TENM3: variants seen among roughly 807,000 people sequenced by gnomAD.
TENM3 encodes teneurin-3.
A neutral mutation model predicts 255.1 loss-of-function variants in TENM3; 63 were observed. The observed-to-expected ratio is 0.25, with a 90% confidence interval of 0.20 to 0.30. The LOEUF is 0.30. Among genes scored for constraint, TENM3 ranks in the 10% least tolerant of loss-of-function variants. The probability of loss-of-function intolerance (pLI) is 1.00; values close to 1 mark genes in which losing one functional copy is unlikely to be tolerated. For synonymous variants in TENM3, 1,306 were observed against 1,322.3 expected (o/e 0.99, Z 0.27); for missense variants, 2,929 against 3,461.1 (o/e 0.85, Z 3.86).
Position 182,353,738 on chromosome 4 carries a change from C to T in TENM3, c.511+6809C>T, listed in dbSNP as rs537959853. Among the ~76,000 whole-genome samples, 8 of 152,212 alleles carry T rather than the reference C, an allele frequency of 5.3e-5. No individual in the cohort carries two copies. In the East Asian group the frequency reaches 7.7e-4, roughly 15 times the overall value. On this transcript the variant is annotated intron_variant, in intron 3 of 27. Transcript: ENST00000511685. ...ATCCCAGCACTTTGGGAGGCCAAGG[C>T]GGGTGGATCACAATGTCAGGAGTTT...
the TENM3 span, among the ~76,000 whole-genome samples, chr4:182,049,261 G>C: frequency 5.3e-5 from 8 of 152,160 alleles, no homozygotes; most frequent in Admixed American, 5.2e-4. Context: ...TTTATATAAA[G>C]TGCAATAGGC....
the TENM3 span, among the ~76,000 whole-genome samples, chr4:182,030,572 A>G: frequency 6.6e-6 from 1 of 152,102 alleles, no homozygotes; most frequent in Non-Finnish European, 1.5e-5. Flanking sequence ...TAATAGGATG[A>G]TTTATGTTTC....
the TENM3 span, among the ~76,000 whole-genome samples, chr4:181,858,430 G>T: frequency 6.6e-6 from 1 of 152,160 alleles, no homozygotes; most frequent in Non-Finnish European, 1.5e-5. Flanking sequence ...CAGATGCTGG[G>T]CTAATGCTTT....
chr4:181,588,102 T>C, the TENM3 span, among the ~76,000 whole-genome samples: 1 of 152,160 alleles, frequency 6.6e-6, no homozygotes, highest in Admixed American at 6.5e-5. Context: ...TAGAGGAGCA[T>C]GCCAGACATG....
chr4:181,848,872 G>A, the TENM3 span, among the ~76,000 whole-genome samples: 3 of 152,056 alleles, frequency 2.0e-5, no homozygotes, highest in Non-Finnish European at 2.9e-5. Context: ...TAATCCAGGA[G>A]CCCCAAACCT....
the TENM3 span, among the ~76,000 whole-genome samples, chr4:181,638,406 C>T: frequency 8.3e-4 from 126 of 152,266 alleles, no homozygotes; most frequent in Admixed American, 6.5e-3. Flanking sequence ...TTAATGCCCC[C>T]CTGTGTTTGG....
At chr4:181,794,271 T>TTG in the TENM3 span, among the ~76,000 whole-genome samples, 3 of 151,830 alleles carry the variant, frequency 2.0e-5, no homozygotes, top group Non-Finnish European at 4.4e-5. Context: ...ATCCTTGTGA[T>TTG]TGTGTGTGTG....
At position 182,235,312 on chromosome 4, in the gene TENM3, C is replaced by A. The variant is rs548883658; in HGVS notation, c.-75-88634C>A. On this transcript the variant is annotated intron_variant, in intron 1 of 2. Coordinates refer to the TENM3 transcript ENST00000512480. Reference sequence around the variant, plus strand: ...TAAAAATGTTCTCCAAGTCTGTGATCTCAGATATCTCAAAATATATGTGGT... The same window carrying A: ...TAAAAATGTTCTCCAAGTCTGTGATATCAGATATCTCAAAATATATGTGGT... Among the ~76,000 whole-genome samples, 4 of 152,294 alleles carry A rather than the reference C, an allele frequency of 2.6e-5. No homozygotes were observed. In the South Asian group the frequency reaches 8.3e-4, roughly 32 times the overall value.
At chr4:182,728,840 A>C in intron 13 of TENM3, 125 bp from the exon 14 acceptor site, 1 of 704,214 alleles carries the variant, frequency 1.4e-6, no homozygotes, top group Non-Finnish European at 2.4e-6. Context: ...CATAGAAATT[A>C]CTATCAGATA....
chr4:182,166,997 T>C (rs948345038), intron 1 of TENM3, among the ~76,000 whole-genome samples: 15 of 152,222 alleles, frequency 9.9e-5, no homozygotes, highest in Admixed American at 8.5e-4. Flanking sequence ...AATGAGATTA[T>C]TGAAGTGGGC....
At chr4:182,551,219 TA>T (rs34487025) in intron 3 of TENM3, among the ~76,000 whole-genome samples, 63,985 of 112,254 alleles carry the variant, frequency 0.57, 18,275 homozygotes, top group Non-Finnish European at 0.68. Context: ...AGACTCCATC[TA>T]AAAAAAAAAA....
the TENM3 span, among the ~76,000 whole-genome samples, chr4:182,137,339 C>T: frequency 2.7e-5 from 3 of 110,862 alleles, no homozygotes; most frequent in South Asian, 2.9e-4. Flanking sequence ...CACCTCCCCC[C>T]CCCCAAAAAG....
At chr4:182,354,921 C>T (rs760487939) in intron 3 of TENM3, among the ~76,000 whole-genome samples, 6 of 152,092 alleles carry the variant, frequency 3.9e-5, no homozygotes, top group African/African-American at 9.7e-5. Context: ...CTTCATTCAA[C>T]GAATCATAAA....
chr4:182,708,815 G>C (rs914046712), intron 12 of TENM3, among the ~76,000 whole-genome samples: 11 of 135,146 alleles, frequency 8.1e-5, no homozygotes, highest in African/African-American at 3.1e-4. Flanking sequence ...AAAAAAAAAA[G>C]ATGTGAGACC....
At chr4:181,872,225 T>A in the TENM3 span, among the ~76,000 whole-genome samples, 1 of 151,722 alleles carries the variant, frequency 6.6e-6, no homozygotes, top group Admixed American at 6.6e-5. Flanking sequence ...TCATTGCAAT[T>A]TAAATATATG....
the TENM3 span, among the ~76,000 whole-genome samples, chr4:181,629,485 G>C: frequency 5.9e-5 from 9 of 152,106 alleles, 1 homozygote; most frequent in African/African-American, 1.4e-4. Flanking sequence ...GTCATAAATA[G>C]CTCTTATTAT....
At chr4:181,747,883 T>C in the TENM3 span, among the ~76,000 whole-genome samples, 1 of 152,086 alleles carries the variant, frequency 6.6e-6, no homozygotes, top group Non-Finnish European at 1.5e-5. Context: ...AACTAGTTTT[T>C]TATATTCCAT....
chr4:182,036,551 C>T, the TENM3 span, among the ~76,000 whole-genome samples: 1 of 152,174 alleles, frequency 6.6e-6, no homozygotes, highest in Non-Finnish European at 1.5e-5. Context: ...TTATATCCCC[C>T]AAACCCAAAA....
At chr4:181,531,813 C>T in the TENM3 span, among the ~76,000 whole-genome samples, 1 of 152,184 alleles carries the variant, frequency 6.6e-6, no homozygotes, top group African/African-American at 2.4e-5. Flanking sequence ...CCCTGAGGCA[C>T]TGCTGCTTAA....
Sources: gnomAD v4.1 joint callset for allele counts (sites outside exome capture counted in the v4.1 genomes callset) on GRCh38, gnomAD v4.1.1 for gene constraint, MANE v1.5 for transcripts, NCBI Gene and HGNC (gene_info 2026-07-23, HGNC 2026-07-21) for gene names.